The following ZYG11A variants were observed in gnomAD, a reference collection of about 807,000 sequenced individuals.
The protein encoded by ZYG11A is zyg-11 family member A, cell cycle regulator.
A neutral mutation model predicts 77.2 loss-of-function variants in ZYG11A; 62 were observed. That is an observed-to-expected ratio of 0.80 (90% CI 0.65 to 0.99). The LOEUF (loss-of-function observed/expected upper bound fraction) is 0.99. Ranked by LOEUF, ZYG11A falls within the 50% of genes least tolerant of loss-of-function variation. ZYG11A has a pLI of 0.00. For synonymous variants in ZYG11A, 315 were observed against 324.6 expected (o/e 0.97, Z 0.32); for missense variants, 828 against 896.8 (o/e 0.92, Z 0.98).
chr1:52,877,927 C>T lies in ZYG11A; in HGVS notation c.1707C>T (p.Thr569=), dbSNP rs774748752. ...GTATGTATATATTTTTTTGACAGAC[C>T]TTTTCAGAGTCAGCAATACAAAGCA... ...GLQIFIQVLE[T]FSESAIQSKV... The change falls in exon 10 of 14, where the codon ACC becomes ACT. Residue 569 remains threonine (T), a splice_region_variant and synonymous_variant. Transcript: ENST00000371528. The T allele has an allele frequency of 2.6e-5, 41 of 1,551,304 alleles. No individual in the cohort carries two copies. Among genetic ancestry groups the T allele is most frequent in the Non-Finnish European group, 3.4e-5 (39 of 1,146,904 alleles).
In ZYG11A at chr1:52,854,635, T is replaced by C. The variant is rs956752046; in HGVS notation, c.256+5T>C. 13 of 1,517,972 alleles carry C rather than the reference T, an allele frequency of 8.6e-6. No homozygotes were observed. The African/African-American group carries it at 1.7e-4, about 19-fold the overall frequency. The allele number at this position is 1,517,972 out of a possible 1,614,324, so 94.0% of individuals were successfully genotyped here. On this transcript the variant is annotated splice_donor_5th_base_variant and intron_variant, in intron 2 of 13. Coordinates refer to ENST00000371528, the MANE Select transcript of ZYG11A (RefSeq NM_001004339.3). ...TCAGGGTGATGACTTGGCAAGGTAG[T>C]GATAAGGCTTCTCTAAAGTCAGCTC...
chr1:52,859,339 T>A (rs1031593469), intron 3 of ZYG11A, among the ~76,000 whole-genome samples: 3 of 151,640 alleles, frequency 2.0e-5, no homozygotes, highest in African/African-American at 7.3e-5. Context: ...GGGCTCTTTA[T>A]TTTTTATTTT....
intron 13 of ZYG11A, among the ~76,000 whole-genome samples, chr1:52,888,775 C>G (rs577394285): frequency 1.2e-4 from 18 of 152,346 alleles, no homozygotes; most frequent in African/African-American, 1.9e-4. Flanking sequence ...GAGCCATGAT[C>G]AGGCAACTGC....
At chr1:52,853,887 TAGTG>T (rs1016706569) in intron 1 of ZYG11A, among the ~76,000 whole-genome samples, 3 of 152,080 alleles carry the variant, frequency 2.0e-5, no homozygotes, top group Non-Finnish European at 4.4e-5. Flanking sequence ...GCCTAGGCGA[TAGTG>T]AGACCCTGTT....
chr1:52,872,108 T>C (rs886088551), intron 8 of ZYG11A, among the ~76,000 whole-genome samples: 7 of 152,168 alleles, frequency 4.6e-5, no homozygotes. Flanking sequence ...ACTGAGATGC[T>C]TGAGATGTCA....
chr1:52,843,903 G>C (rs777959583), intron 1 of ZYG11A, among the ~76,000 whole-genome samples: 4 of 151,960 alleles, frequency 2.6e-5, no homozygotes, highest in Admixed American at 6.6e-5. Context: ...GGCCAGGATG[G>C]TTTCGAACTC....
At chr1:52,858,621 T>TA (rs1489663654) in intron 3 of ZYG11A, among the ~76,000 whole-genome samples, 2 of 148,558 alleles carry the variant, frequency 1.3e-5, no homozygotes, top group African/African-American at 5.0e-5. Context: ...TTATTATTAT[T>TA]TTTTTTTGGA....
At position 52,864,090 on chromosome 1, in the gene ZYG11A, T is replaced by C; in HGVS notation, c.1259T>C (p.Val420Ala). 1 of 1,551,984 alleles carries C rather than the reference T, an allele frequency of 6.4e-7. No homozygotes were observed. The highest frequency in any genetic ancestry group is 8.7e-7 in the Non-Finnish European group (1 of 1,147,062). Residue 420 changes from valine (V) to alanine (A), a missense_variant, in exon 5 of 14, where the codon GTT becomes GCT. Coordinates refer to ENST00000371528, the MANE Select transcript of ZYG11A (RefSeq NM_001004339.3). ...CAGGGCCTGGCCAAGGGGATGCCTGTTCGCCTGTTGTCAGAGGTCACCTGT... is the reference window on the plus strand; with the variant it reads ...CAGGGCCTGGCCAAGGGGATGCCTGCTCGCCTGTTGTCAGAGGTCACCTGT... Reference protein sequence around the residue: ...TRQGLAKGMPVRLLSEVTCLL... With the variant: ...TRQGLAKGMPARLLSEVTCLL...
intron 1 of ZYG11A, among the ~76,000 whole-genome samples, chr1:52,843,852 C>T (rs982410313): frequency 6.6e-6 from 1 of 151,880 alleles, no homozygotes; most frequent in Non-Finnish European, 1.5e-5. Flanking sequence ...ATGCCCGACT[C>T]ATTTTTTGTA....
chr1:52,857,620 TG>T lies in ZYG11A; in HGVS notation c.884del (p.Gly295AlafsTer9), dbSNP rs1557434398. 1 of 1,552,050 alleles carries T rather than the reference TG, an allele frequency of 6.4e-7. No homozygotes were observed. On this transcript the variant is annotated frameshift_variant, in exon 3 of 14. Coordinates refer to ENST00000371528, the MANE Select transcript of ZYG11A (RefSeq NM_001004339.3). LOFTEE classifies it high-confidence loss of function. Reference protein sequence around the residue: ...LPNVVSLDISGGNCITDEAVE... With the variant: ...LPNVVSLDISXGNCITDEAVE... ...CCAATGTTGTGTCATTGGATATTTC[TG>T]GGGGCAATTGCATCACTGATGAAGC...
At chr1:52,853,656 A>G (rs1323206267) in intron 1 of ZYG11A, among the ~76,000 whole-genome samples, 3 of 152,174 alleles carry the variant, frequency 2.0e-5, no homozygotes, top group Admixed American at 6.6e-5. Context: ...CATGCCTGTA[A>G]TCCAGCACTT....
chr1:52,872,632 G>C (rs1407203902), intron 8 of ZYG11A, among the ~76,000 whole-genome samples: 2 of 150,898 alleles, frequency 1.3e-5, no homozygotes, highest in East Asian at 3.9e-4. Context: ...TGCAATCCCA[G>C]CATTTTGGGA....
chr1:52,889,952 A>G (rs182526914), intron 13 of ZYG11A, among the ~76,000 whole-genome samples: 416 of 151,374 alleles, frequency 2.7e-3, no homozygotes, highest in Non-Finnish European at 4.4e-3. Flanking sequence ...GGACCTCATG[A>G]TCCACCCGCC....
chr1:52,856,289 A>G (rs1232727939), intron 2 of ZYG11A, among the ~76,000 whole-genome samples: 2 of 152,006 alleles, frequency 1.3e-5, no homozygotes, highest in Non-Finnish European at 2.9e-5. Flanking sequence ...TGCCTGTTAC[A>G]TAACATGGAA....
intron 3 of ZYG11A, among the ~76,000 whole-genome samples, chr1:52,859,670 T>TAC (rs1157721456): frequency 2.8e-5 from 1 of 35,824 alleles, no homozygotes; most frequent in Non-Finnish European, 7.2e-5. Flanking sequence ...GTATTGCCTT[T>TAC]TTTTTTTTTT....
intron 13 of ZYG11A, among the ~76,000 whole-genome samples, chr1:52,892,514 G>A (rs1025589909): frequency 6.6e-6 from 1 of 151,026 alleles, no homozygotes; most frequent in African/African-American, 2.4e-5. Flanking sequence ...GGCAACAAGA[G>A]CAAAACTCTG....
intron 10 of ZYG11A, among the ~76,000 whole-genome samples, chr1:52,878,642 T>C (rs769472197): frequency 1.4e-4 from 21 of 152,170 alleles, no homozygotes; most frequent in Non-Finnish European, 2.8e-4. Context: ...TTTATCCTAA[T>C]TAGAACTCAA....
At chr1:52,874,054 G>A (rs1319816572) in intron 8 of ZYG11A, among the ~76,000 whole-genome samples, 1 of 151,982 alleles carries the variant, frequency 6.6e-6, no homozygotes, top group Non-Finnish European at 1.5e-5. Flanking sequence ...GTCAATTGAT[G>A]GGGCAAACAT....
chr1:52,892,208 G>GAT (rs1646556673), intron 13 of ZYG11A, among the ~76,000 whole-genome samples: 1 of 146,096 alleles, frequency 6.8e-6, no homozygotes, highest in East Asian at 2.1e-4. Context: ...CACATCTGGG[G>GAT]GTTTTCAACA....
Sources: gnomAD v4.1 joint callset for allele counts (sites outside exome capture counted in the v4.1 genomes callset) on GRCh38, gnomAD v4.1.1 for gene constraint, MANE v1.5 for transcripts, NCBI Gene and HGNC (gene_info 2026-07-23, HGNC 2026-07-21) for gene names.